FRA10AC1: variants seen among roughly 807,000 people sequenced by gnomAD.
FRA10AC1 encodes the protein protein FRA10AC1.
FRA10AC1 carries 43 observed loss-of-function variants against 56.5 expected under a neutral mutation model. That is an observed-to-expected ratio of 0.76 (90% confidence interval 0.60 to 0.98). FRA10AC1 has a LOEUF of 0.98. FRA10AC1 is among the 50% of genes least tolerant of loss of function. The pLI is 0.00. For synonymous variants in FRA10AC1, 112 were observed against 110.5 expected (o/e 1.01, Z -0.09); for missense variants, 346 against 351.8 (o/e 0.98, Z 0.13).
chr10:93,686,407 C>G (rs2059028367), intron 8 of FRA10AC1, among the ~76,000 whole-genome samples: 1 of 151,734 alleles, frequency 6.6e-6, no homozygotes, highest in Non-Finnish European at 1.5e-5. Flanking sequence ...AATTTAGAGA[C>G]TACCCATCAA....
intron 4 of FRA10AC1, among the ~76,000 whole-genome samples, chr10:93,697,720 T>A (rs1188572353): frequency 6.6e-6 from 1 of 152,132 alleles, no homozygotes; most frequent in Non-Finnish European, 1.5e-5. Context: ...TTTCCTTAGA[T>A]CCAGGGACAG....
At chr10:93,694,760 A>G in intron 5 of FRA10AC1, 101 bp downstream of exon 5, 1 of 686,704 alleles carries the variant, frequency 1.5e-6, no homozygotes, top group Non-Finnish European at 2.6e-6. Flanking sequence ...ACCGGAATAG[A>G]AAGCAGGGAA....
chr10:93,693,501 TATATATACACC>T (rs1361135415), intron 5 of FRA10AC1, among the ~76,000 whole-genome samples: 9 of 39,840 alleles, frequency 2.3e-4, no homozygotes, highest in African/African-American at 5.0e-4. Flanking sequence ...TATATATATA[TATATATACACC>T]ATATATATAT....
chr10:93,673,296 C>T (rs2133893286), intron 12 of FRA10AC1: 1 of 456,210 alleles, frequency 2.2e-6, no homozygotes, highest in Admixed American at 2.4e-5. Context: ...CAGTAATTTC[C>T]ATGTCTACTT....
At chr10:93,670,709 TG>T in intron 13 of FRA10AC1, 60 bp downstream of exon 13, 1 of 1,053,872 alleles carries the variant, frequency 9.5e-7, no homozygotes, top group Non-Finnish European at 1.5e-6. Flanking sequence ...AATAAAGCTG[TG>T]GTTATAGCTT....
At chr10:93,676,545 A>G in intron 12 of FRA10AC1, 108 bp downstream of exon 12, 3 of 1,392,950 alleles carry the variant, frequency 2.2e-6, no homozygotes, top group Non-Finnish European at 2.8e-6. Context: ...AAAAATAATT[A>G]ACAAAAACAA....
At position 93,668,739 on chromosome 10, in the gene FRA10AC1, T is replaced by C. The variant is rs1336364840; in HGVS notation, c.*1087A>G. The stretch of plus-strand genomic sequence containing the variant: ...AAACCATCAGATCTTGTGAGACTTA[T>C]TCACTACCACAAGAACAATATGGGG... On this transcript the variant is annotated 3_prime_UTR_variant, in exon 14 of 14. Transcript: ENST00000359204. The C allele has an allele frequency of 6.6e-6, 1 of 152,200 alleles. No homozygotes were observed. The highest frequency in any genetic ancestry group is 1.9e-4 in the East Asian group (1 of 5,194). The allele number at this position is 152,200 out of a possible 1,614,324, so 9.4% of individuals were successfully genotyped here.
intron 12 of FRA10AC1, chr10:93,672,120 T>C (rs1275304105): frequency 2.3e-6 from 1 of 433,584 alleles, no homozygotes; most frequent in African/African-American, 2.0e-5. Context: ...ATGTGGCCTG[T>C]CAATACAGAA....
chr10:93,697,052 C>A (rs894003115), intron 4 of FRA10AC1, among the ~76,000 whole-genome samples: 2 of 151,916 alleles, frequency 1.3e-5, no homozygotes, highest in African/African-American at 4.8e-5. Context: ...ACATGTATCC[C>A]AGAATTTAAA....
chr10:93,689,832 G>A (rs540650311), intron 7 of FRA10AC1, among the ~76,000 whole-genome samples: 240 of 152,222 alleles, frequency 1.6e-3, no homozygotes, highest in Non-Finnish European at 2.6e-3. Flanking sequence ...ATGAGGTCAC[G>A]TACGCAAGCA....
intron 12 of FRA10AC1, chr10:93,673,334 C>T: frequency 2.2e-6 from 1 of 456,588 alleles, no homozygotes; most frequent in Non-Finnish European, 4.4e-6. Context: ...CATCCTTTCA[C>T]TCTTCTCCCA....
intron 12 of FRA10AC1, chr10:93,673,547 G>A: frequency 2.8e-6 from 1 of 357,982 alleles, no homozygotes; most frequent in Non-Finnish European, 5.4e-6. Flanking sequence ...GATATTATAT[G>A]GTAACTAATA....
At chr10:93,681,744 G>A in intron 10 of FRA10AC1, 146 bp from the exon 11 acceptor site, 1 of 673,198 alleles carries the variant, frequency 1.5e-6, no homozygotes, top group Non-Finnish European at 2.2e-6. Context: ...AAGTGAGACT[G>A]TAAATATTTT....
intron 5 of FRA10AC1, among the ~76,000 whole-genome samples, chr10:93,694,601 C>T (rs2059196750): frequency 6.6e-6 from 1 of 151,382 alleles, no homozygotes; most frequent in South Asian, 2.1e-4. Flanking sequence ...GTAATCCCAG[C>T]TACTCGGGAG....
intron 10 of FRA10AC1, among the ~76,000 whole-genome samples, chr10:93,682,431 G>T (rs2058951222): frequency 6.6e-6 from 1 of 152,124 alleles, no homozygotes; most frequent in South Asian, 2.1e-4. Context: ...AAAAGTCAAG[G>T]TCAAAACAAA....
At chr10:93,672,247 CCTAA>C in intron 12 of FRA10AC1, 1 of 243,074 alleles carries the variant, frequency 4.1e-6, no homozygotes, top group East Asian at 1.3e-4. Flanking sequence ...GAACTTTGCT[CCTAA>C]CTGAATCTAT....
At chr10:93,697,882 G>C (rs573663492) in intron 4 of FRA10AC1, among the ~76,000 whole-genome samples, 1 of 152,156 alleles carries the variant, frequency 6.6e-6, no homozygotes, top group Admixed American at 6.5e-5. Context: ...AAATATATTT[G>C]CAGATTCATG....
rs368987348 is a variant in FRA10AC1, at chr10:93,693,673, C to CATATATATATAT, written c.297-956_297-945dup. Among the ~76,000 whole-genome samples, 26 of 92,090 alleles carry CATATATATATAT rather than the reference C, an allele frequency of 2.8e-4. 2 individuals are homozygous for CATATATATATAT. The highest frequency in any genetic ancestry group is 5.3e-4 in the Non-Finnish European group (22 of 41,482). 60.4% of individuals were successfully genotyped at this position (92,090 alleles called of 152,430 possible). ...ATATATATACCATATATATATACAC[C>CATATATATATAT]ATATATATATATATATACCATATAT... On this transcript the variant is annotated intron_variant, in intron 5 of 13. Coordinates refer to ENST00000359204, the MANE Select transcript of FRA10AC1 (RefSeq NM_145246.5).
chr10:93,681,630 A>T (rs752795769), intron 10 of FRA10AC1, 32 bp from the exon 11 acceptor site: 1 of 1,444,002 alleles, frequency 6.9e-7, no homozygotes, highest in Non-Finnish European at 9.1e-7. Context: ...ATTAAAGTTA[A>T]CTTTTCCAAC....
Sources: gnomAD v4.1 joint callset for allele counts (sites outside exome capture counted in the v4.1 genomes callset) on GRCh38, gnomAD v4.1.1 for gene constraint, MANE v1.5 for transcripts, NCBI Gene and HGNC (gene_info 2026-07-23, HGNC 2026-07-21) for gene names.